Variants in PTPRD observed in about 807,000 individuals in gnomAD.
PTPRD encodes receptor-type tyrosine-protein phosphatase delta.
Under a neutral mutation model 214.5 loss-of-function variants are expected in PTPRD, and 34 were observed. That is an observed-to-expected ratio of 0.16 (90% confidence interval 0.12 to 0.21). The LOEUF (loss-of-function observed/expected upper bound fraction) is 0.21, where lower values mean the gene tolerates loss of function less well. Among genes scored for constraint, PTPRD ranks in the 10% least tolerant of loss-of-function variants. The probability of loss-of-function intolerance (pLI) is 1.00; values close to 1 mark genes in which losing one functional copy is unlikely to be tolerated. For synonymous variants in PTPRD, 1,128 were observed against 845.7 expected (o/e 1.33, Z -5.79); for missense variants, 2,545 against 2,398.7 (o/e 1.06, Z -1.27).
At chr9:9,901,000 T>C (rs2076269952) in intron 5 of PTPRD, among the ~76,000 whole-genome samples, 2 of 152,164 alleles carry the variant, frequency 1.3e-5, no homozygotes, top group Admixed American at 6.5e-5. Flanking sequence ...AGTTACTTTA[T>C]AAAGAAAAGA....
intron 8 of PTPRD, among the ~76,000 whole-genome samples, chr9:9,546,575 A>G (rs1380663484): frequency 1.3e-5 from 2 of 151,788 alleles, no homozygotes; most frequent in Admixed American, 1.3e-4. Flanking sequence ...TCCACCGACA[A>G]TTACTACTAC....
chr9:8,852,573 A>T lies in PTPRD; in HGVS notation c.-103-118627T>A, dbSNP rs2097841600. Among the ~76,000 whole-genome samples the T allele has an allele frequency of 3.3e-5, 5 of 152,350 alleles. No homozygotes were observed. In the South Asian group the frequency reaches 1.0e-3, roughly 32 times the overall value. On this transcript the variant is annotated intron_variant, in intron 11 of 45. Coordinates refer to ENST00000381196, the MANE Select transcript of PTPRD (RefSeq NM_002839.4). ...AGCAAGGTTTGCTCGTCGCAGGTGAAGAGGGAAGAACATAAGTTGTCTCAA... is the reference window on the plus strand; with the variant it reads ...AGCAAGGTTTGCTCGTCGCAGGTGATGAGGGAAGAACATAAGTTGTCTCAA...
At chr9:8,326,130 G>C (rs1280935298) in intron 44 of PTPRD, among the ~76,000 whole-genome samples, 1 of 152,196 alleles carries the variant, frequency 6.6e-6, no homozygotes, top group Non-Finnish European at 1.5e-5. Flanking sequence ...GTGAGAGAGG[G>C]CATCCCTCTC....
At chr9:9,626,160 T>C (rs983362346) in intron 7 of PTPRD, among the ~76,000 whole-genome samples, 1 of 152,124 alleles carries the variant, frequency 6.6e-6, no homozygotes, top group African/African-American at 2.4e-5. Flanking sequence ...ATCCAGGAAG[T>C]TTTCTTGCTT....
chr9:9,635,745 C>T (rs1403533451), intron 7 of PTPRD, among the ~76,000 whole-genome samples: 1 of 152,152 alleles, frequency 6.6e-6, no homozygotes, highest in African/African-American at 2.4e-5. Flanking sequence ...ATTGTCAACA[C>T]CACCTACTTC....
At position 8,341,883 on chromosome 9, in the gene PTPRD, G is replaced by C. The variant is rs1461254821; in HGVS notation, c.4757C>G (p.Thr1586Ser). The change falls in exon 40 of 46, where the codon ACT (threonine) becomes AGT (serine). Residue 1586 changes from threonine (T) to serine (S), a missense_variant. Transcript: ENST00000381196. The part of the protein sequence containing the change: ...EKTVDIYGHV[T>S]LMRAQRNYMV... ...ATAGTTCCTCTGGGCTCTCATTAAA[G>C]TTACATGGCCATAAATATCTACAGT... 1 of 1,613,358 alleles carries C rather than the reference G, an allele frequency of 6.2e-7. No individual in the cohort carries two copies. Among genetic ancestry groups the C allele is most frequent in the South Asian group, 1.1e-5 (1 of 91,040 alleles).
At chr9:9,941,336 C>A (rs1335870514) in intron 4 of PTPRD, among the ~76,000 whole-genome samples, 1 of 152,058 alleles carries the variant, frequency 6.6e-6, no homozygotes, top group Admixed American at 6.6e-5. Context: ...ATATGTGTAT[C>A]TTATTTTAGA....
intron 11 of PTPRD, among the ~76,000 whole-genome samples, chr9:8,902,477 G>A (rs1169141887): frequency 1.3e-5 from 2 of 151,700 alleles, no homozygotes; most frequent in East Asian, 1.9e-4. Flanking sequence ...CAAGTAGCTA[G>A]GACTACAGGC....
In PTPRD at chr9:9,765,568, C is replaced by T. The variant is rs910619243; in HGVS notation, c.-326+1242G>A. ...AAGTTTTAGAGAAACCCTTGTCAGA[C>T]ATTGTGAATCTATTCAATATTTAAA... On this transcript the variant is annotated intron_variant, in intron 6 of 45. Coordinates refer to ENST00000381196, the MANE Select transcript of PTPRD (RefSeq NM_002839.4). Among the ~76,000 whole-genome samples, 8 of 152,340 alleles carry T rather than the reference C, an allele frequency of 5.3e-5. No individual in the cohort carries two copies. The East Asian group carries it at 1.4e-3, about 26-fold the overall frequency.
At chr9:9,326,628 G>T (rs2040030753) in intron 9 of PTPRD, among the ~76,000 whole-genome samples, 1 of 151,294 alleles carries the variant, frequency 6.6e-6, no homozygotes, top group Admixed American at 6.6e-5. Flanking sequence ...AAAATGACAA[G>T]CATGAGAGCA....
chr9:8,563,127 C>T (rs2087136950), intron 14 of PTPRD, among the ~76,000 whole-genome samples: 3 of 151,912 alleles, frequency 2.0e-5, no homozygotes, highest in African/African-American at 7.3e-5. Flanking sequence ...GTCAGCTTGG[C>T]ACAAGAGTAT....
intron 5 of PTPRD, among the ~76,000 whole-genome samples, chr9:9,803,987 A>G (rs1318600216): frequency 6.6e-6 from 1 of 152,074 alleles, no homozygotes; most frequent in Non-Finnish European, 1.5e-5. Flanking sequence ...GGAGCAATGG[A>G]ACAAGAATTA....
intron 11 of PTPRD, among the ~76,000 whole-genome samples, chr9:8,896,397 T>A (rs2098611065): frequency 6.6e-6 from 1 of 152,168 alleles, no homozygotes; most frequent in South Asian, 2.1e-4. Flanking sequence ...TTTGTTCATT[T>A]GCTGAAACTA....
At chr9:9,415,434 A>G (rs1350700210) in intron 8 of PTPRD, among the ~76,000 whole-genome samples, 3 of 152,178 alleles carry the variant, frequency 2.0e-5, no homozygotes, top group Non-Finnish European at 4.4e-5. Context: ...AGAATGCGCC[A>G]CTGCACTCCA....
At chr9:9,472,650 G>A (rs1353317740) in intron 8 of PTPRD, among the ~76,000 whole-genome samples, 4 of 152,136 alleles carry the variant, frequency 2.6e-5, no homozygotes, top group African/African-American at 9.7e-5. Context: ...AATAATGCTT[G>A]CTGTGACCAG....
At chr9:9,564,895 T>TGTTTTG (rs1443182041) in intron 8 of PTPRD, among the ~76,000 whole-genome samples, 4 of 135,330 alleles carry the variant, frequency 3.0e-5, no homozygotes, top group African/African-American at 1.2e-4. Flanking sequence ...TTTTTTTTTT[T>TGTTTTG]TTTTTTTTTT....
intron 2 of PTPRD, among the ~76,000 whole-genome samples, chr9:10,509,447 C>T (rs2047192469): frequency 1.5e-5 from 2 of 137,622 alleles, no homozygotes; most frequent in South Asian, 4.7e-4. Context: ...TTCATGTTGG[C>T]TCCTGTGCCC....
chr9:8,359,055 C>A (rs1245262216), intron 39 of PTPRD, among the ~76,000 whole-genome samples: 1 of 120,746 alleles, frequency 8.3e-6, no homozygotes, highest in Admixed American at 1.1e-4. Context: ...TTGCAGTGAG[C>A]CGAGATTGCA....
intron 11 of PTPRD, among the ~76,000 whole-genome samples, chr9:8,739,988 CT>C (rs1376721015): frequency 6.6e-6 from 1 of 152,132 alleles, no homozygotes; most frequent in Non-Finnish European, 1.5e-5. Flanking sequence ...TCCATTAAAC[CT>C]TTTTTTCTTC....
Sources: allele counts gnomAD v4.1 joint callset (sites outside exome capture counted in the v4.1 genomes callset), GRCh38; gene constraint gnomAD v4.1.1; transcripts MANE v1.5; gene names NCBI Gene and HGNC (gene_info 2026-07-23, HGNC 2026-07-21).